MUC4: variants seen among roughly 807,000 people sequenced by gnomAD.
The protein encoded by MUC4 is mucin 4, cell surface associated, also known as mucin-4.
Under a neutral mutation model 257.9 loss-of-function variants are expected in MUC4, and 202 were observed. The observed-to-expected ratio is 0.78, with a 90% CI of 0.70 to 0.88. The LOEUF (loss-of-function observed/expected upper bound fraction) is 0.88, where lower values mean the gene tolerates loss of function less well. Among genes scored for constraint, MUC4 ranks in the 40% least tolerant of loss-of-function variants. The pLI is 0.00. For synonymous variants in MUC4, 2,351 were observed against 2,757.1 expected, an observed-to-expected ratio of 0.85 and a Z score of 4.62; for missense variants, 5,976 against 6,513.7, an observed-to-expected ratio of 0.92 and a Z score of 2.84.
chr3:195,747,212 G>C lies in MUC4; in HGVS notation c.16203C>G (p.Phe5401Leu), dbSNP rs1419478276. 2 of 1,614,272 alleles carry C rather than the reference G, an allele frequency of 1.2e-6. No homozygotes were observed. Among genetic ancestry groups the C allele is most frequent in the East Asian group, 4.5e-5 (2 of 44,894 alleles). The change falls in exon 25 of 25, where the codon TTC (phenylalanine) becomes TTG (leucine). Residue 5401 changes from phenylalanine to leucine, a missense_variant. Transcript: ENST00000463781. The part of the protein sequence containing the change: ...LRFWGCSGAR[F>L]SYFLNSAEAL... ...CCTCAGCTGAGTTCAGGAAATAGGA[G>C]AACCTGGCCCCGGAGCAACCCCAGA...
rs947698718 is a variant in MUC4, at chr3:195,756,230, G to A, written c.15168+917C>T. On this transcript the variant is annotated intron_variant, in intron 18 of 24. Coordinates refer to ENST00000463781, the MANE Select transcript of MUC4 (RefSeq NM_018406.7). ...AGGACTGTAAGCGGCCTCAGAAAAG[G>A]TGTCCTGTGTCTGAGCAAGGCACAG... Among the ~76,000 whole-genome samples the A allele has an allele frequency of 3.9e-5, 6 of 152,198 alleles. No homozygotes were observed. In the East Asian group the frequency reaches 7.7e-4, roughly 20 times the overall value.
intron 13 of MUC4, 144 bp downstream of exon 13, chr3:195,762,711 G>GCAC (rs1719428383): frequency 1.7e-5 from 1 of 58,388 alleles, no homozygotes; most frequent in South Asian, 3.0e-4. Context: ...AGCACTCGGC[G>GCAC]CGGCACCGCC....
chr3:195,784,495 G>A lies in MUC4; in HGVS notation c.7085C>T (p.Ser2362Phe). 1 of 1,540,880 alleles carries A rather than the reference G, an allele frequency of 6.5e-7. No individual in the cohort carries two copies. Among genetic ancestry groups the A allele is most frequent in the African/African-American group, 1.4e-5 (1 of 70,156 alleles). The change falls in exon 2 of 25, where the codon TCC becomes TTC. Residue 2362 changes from serine to phenylalanine, a missense_variant. Coordinates refer to ENST00000463781, the MANE Select transcript of MUC4 (RefSeq NM_018406.7). ...AGGAAGAGGGGTGGTGTCACCTGTG[G>A]ATACTGAGGAAGCGTCGGTGACATG... ...PLHVTDASSV[S>F]TGDTTPLPVT...
chr3:195,798,886 C>G (rs923206808), intron 1 of MUC4, among the ~76,000 whole-genome samples: 9 of 152,202 alleles, frequency 5.9e-5, no homozygotes, highest in East Asian at 3.9e-4. Flanking sequence ...CTTGCTTCCC[C>G]CTTTTGGAGT....
At chr3:195,778,580 A>G in intron 2 of MUC4, 125 bp from the exon 3 acceptor site, 1 of 1,365,780 alleles carries the variant, frequency 7.3e-7, no homozygotes, top group Non-Finnish European at 1.0e-6. Flanking sequence ...CCCTGCTCAT[A>G]TCCAAACTAC....
intron 7 of MUC4, 108 bp from the exon 8 acceptor site, chr3:195,766,859 TAG>T: frequency 5.1e-6 from 5 of 987,822 alleles, no homozygotes; most frequent in Non-Finnish European, 7.8e-6. Flanking sequence ...GTCAACCAGC[TAG>T]GCGGGCAGTG....
In MUC4 at chr3:195,788,348, G is replaced by A. The variant is rs1391558952; in HGVS notation, c.3232C>T (p.Leu1078Phe). The A allele has an allele frequency of 2.7e-5, 41 of 1,527,286 alleles. No homozygotes were observed. In the African/African-American group the frequency reaches 6.2e-4, roughly 23 times the overall value. The allele number at this position is 1,527,286 out of a possible 1,614,324, so 94.6% of individuals were successfully genotyped here. Residue 1078 changes from leucine (L) to phenylalanine (F), a missense_variant, in exon 2 of 25, where the codon CTT becomes TTT. Physicochemically the swap from Leu to Phe is conservative, Grantham distance 22. Transcript: ENST00000463781. Reference protein sequence around the residue: ...GHVTPLPVTSLSSASTGDTTP... With the variant: ...GHVTPLPVTSFSSASTGDTTP... Reference sequence around the variant, plus strand: ...GTGTCACCTGTGGATGCTGAGGAAAGGCTGGTGACAGGAAGAGGGGTGACG... The same window carrying A: ...GTGTCACCTGTGGATGCTGAGGAAAAGCTGGTGACAGGAAGAGGGGTGACG...
chr3:195,790,892 T>C lies in MUC4; in HGVS notation c.688A>G (p.Asn230Asp), dbSNP rs1406854336. Residue 230 changes from asparagine to aspartate, a missense_variant, in exon 2 of 25, where the codon AAT (asparagine) becomes GAT (aspartate). Asn to Asp is a conservative substitution (Grantham distance 23, BLOSUM62 1). Coordinates refer to ENST00000463781, the MANE Select transcript of MUC4 (RefSeq NM_018406.7). ...TTCTGAGAAACAGTCCCTGTCACAT[T>C]GTGTACACTTGGAGAGAAAGAAGGA... ...STPSFSPSVHNVTGTVSQKTS... is the reference protein window; with the variant it reads ...STPSFSPSVHDVTGTVSQKTS... The C allele has an allele frequency of 2.5e-6, 4 of 1,613,900 alleles. No individual in the cohort carries two copies. Among genetic ancestry groups the C allele is most frequent in the Non-Finnish European group, 2.5e-6 (3 of 1,179,910 alleles).
Position 195,781,610 on chromosome 3 carries a change from C to T in MUC4, c.9970G>A (p.Gly3324Ser), listed in dbSNP as rs1335452866. The T allele has an allele frequency of 1.1e-5, 6 of 533,736 alleles. No individual in the cohort carries two copies. Among genetic ancestry groups the T allele is most frequent in the Middle Eastern group, 5.2e-4 (1 of 1,920 alleles). The allele number at this position is 533,736 out of a possible 1,614,324, so 33.1% of individuals were successfully genotyped here. Residue 3324 changes from glycine (G) to serine (S), a missense_variant, in exon 2 of 25, where the codon GGT becomes AGT. By Grantham distance (56) the Gly-to-Ser change is moderately conservative. Coordinates refer to ENST00000463781, the MANE Select transcript of MUC4 (RefSeq NM_018406.7). ...GTGACATGAAGAGGGGTGGCGTGAC[C>T]TGTGGATGCTGAGGAAGCGTCGGTG... ...LVTDASSAST[G>S]HATPLHVTSP...
Position 195,790,530 on chromosome 3 carries a change from T to A in MUC4, c.1050A>T (p.Ser350=), listed in dbSNP as rs1252132951. 1.9e-6 allele frequency: 3 copies of A among 1,613,952 alleles called. No homozygotes were observed. The East Asian group carries it at 6.7e-5, about 36-fold the overall frequency. ...TLNTLTPVTT[S]TVLSSPSGFN... ...ATCCACTTGGTGAGGATAAAACAGT[T>A]GATGTTGTAACCGGTGTGAGGGTGT... The change falls in exon 2 of 25, where the codon TCA becomes TCT. Residue 350 remains serine, a synonymous_variant. Coordinates refer to ENST00000463781, the MANE Select transcript of MUC4 (RefSeq NM_018406.7).
intron 1 of MUC4, among the ~76,000 whole-genome samples, chr3:195,793,314 T>A (rs1214597606): frequency 6.6e-6 from 1 of 151,600 alleles, no homozygotes; most frequent in Admixed American, 6.6e-5. Context: ...CTGGGCAATA[T>A]GGCAAAACCC....
At position 195,790,045 on chromosome 3, in the gene MUC4, G is replaced by T; in HGVS notation, c.1535C>A (p.Ala512Asp). The T allele has an allele frequency of 1.9e-6, 3 of 1,614,050 alleles. No individual in the cohort carries two copies. The highest frequency in any genetic ancestry group is 2.5e-6 in the Non-Finnish European group (3 of 1,179,896). The change falls in exon 2 of 25, where the codon GCT (alanine) becomes GAT (aspartate). Residue 512 changes from alanine to aspartate, a missense_variant. Ala to Asp is a moderately radical substitution (Grantham distance 126). Coordinates refer to ENST00000463781, the MANE Select transcript of MUC4 (RefSeq NM_018406.7). ...QTELPSTSTG[A>D]ATRLVTGNPS... ...ATTTCCTGTGACAAGCCTAGTGGCA[G>T]CACCTGTTGATGTTGAGGGCAGTTC...
intron 13 of MUC4, 21 bp downstream of exon 13, chr3:195,762,834 G>A (rs755493205): frequency 1.3e-6 from 2 of 1,531,938 alleles, no homozygotes; most frequent in South Asian, 2.4e-5. Flanking sequence ...GGGAGGGGGC[G>A]GCCGGCGCTC....
intron 7 of MUC4, among the ~76,000 whole-genome samples, chr3:195,767,907 T>TCACCAC (rs1447659178): frequency 0.061 from 3,865 of 62,860 alleles, 407 homozygotes; most frequent in African/African-American, 0.25. Context: ...ATCACCACCA[T>TCACCAC]CACCATCGCC....
Position 195,759,277 on chromosome 3 carries a change from G to C in MUC4, c.14849-16C>G, listed in dbSNP as rs370226274. 1 of 1,612,740 alleles carries C rather than the reference G, an allele frequency of 6.2e-7. No individual in the cohort carries two copies. Among genetic ancestry groups the C allele is most frequent in the Admixed American group, 1.7e-5 (1 of 59,938 alleles). On this transcript the variant is annotated splice_polypyrimidine_tract_variant and intron_variant, in intron 16 of 24. Coordinates refer to ENST00000463781, the MANE Select transcript of MUC4 (RefSeq NM_018406.7). ...GGGTACTGATCTGAAACACAAAGAG[G>C]GAATGGGGGTTCCGAGGCAGGACAG... is the stretch of plus-strand genomic sequence containing the variant.
chr3:195,752,319 G>T, intron 21 of MUC4, 54 bp downstream of exon 21: 1 of 1,467,460 alleles, frequency 6.8e-7, no homozygotes, highest in Non-Finnish European at 9.5e-7. Context: ...TTCCGCCCTG[G>T]CCTGAACCCG....
In MUC4 at chr3:195,748,962, C is replaced by T. The variant is rs372571834; in HGVS notation, c.15974G>A (p.Ser5325Asn). Residue 5325 changes from serine to asparagine, a missense_variant, in exon 24 of 25, where the codon AGT (serine) becomes AAT (asparagine). By Grantham distance (46) the Ser-to-Asn change is conservative (BLOSUM62 1). This residue lies in a region of MUC4 where 310 missense variants were observed against 242.1 expected (regional missense o/e 1.28). Transcript: ENST00000463781. ...GCCTCCATGGTCACAGTAGCCCCTACTGCACGGGGACACGCAGGTGAAGCC... is the reference window on the plus strand; with the variant it reads ...GCCTCCATGGTCACAGTAGCCCCTATTGCACGGGGACACGCAGGTGAAGCC... Reference protein sequence around the residue: ...QSGFTCVSPCSRGYCDHGGQC... With the variant: ...QSGFTCVSPCNRGYCDHGGQC... 9.0e-5 allele frequency: 144 copies of T among 1,607,936 alleles called. No homozygotes were observed. Among genetic ancestry groups the T allele is most frequent in the Non-Finnish European group, 1.2e-4 (142 of 1,177,296 alleles).
chr3:195,797,153 C>T (rs1313720193), intron 1 of MUC4, among the ~76,000 whole-genome samples: 3 of 151,932 alleles, frequency 2.0e-5, no homozygotes, highest in African/African-American at 7.3e-5. Context: ...CCTGTAATCC[C>T]AGCTACTCAG....
intron 1 of MUC4, among the ~76,000 whole-genome samples, chr3:195,796,243 C>T (rs971167152): frequency 2.0e-5 from 3 of 152,050 alleles, no homozygotes; most frequent in African/African-American, 4.8e-5. Flanking sequence ...CCACCACGCC[C>T]GGCTAATTTT....
Sources: gnomAD v4.1 joint callset for allele counts (sites outside exome capture counted in the v4.1 genomes callset) on GRCh38, gnomAD v4.1.1 for gene constraint, gnomAD v4.1.1 regional missense constraint, MANE v1.5 for transcripts, NCBI Gene and HGNC (gene_info 2026-07-23, HGNC 2026-07-21) for gene names.